ST6GALNAC3: variants seen among roughly 807,000 people sequenced by gnomAD.
ST6GALNAC3 encodes the protein alpha-N-acetylgalactosaminide alpha-2,6-sialyltransferase 3.
ST6GALNAC3 carries 25 observed loss-of-function variants against 32.7 expected under a neutral mutation model. The ratio of observed to expected loss-of-function variants is 0.76; its 90% confidence interval spans 0.56 to 1.07. The LOEUF is 1.07. ST6GALNAC3 is among the 50% of genes least tolerant of loss of function. ST6GALNAC3 has a pLI of 0.00. For missense variants in ST6GALNAC3, 355 were observed against 382.4 expected, an observed-to-expected ratio of 0.93 and a Z score of 0.60; for synonymous variants, 129 against 133.1, an observed-to-expected ratio of 0.97 and a Z score of 0.21.
At chr1:76,494,908 G>C (rs981962619) in intron 3 of ST6GALNAC3, among the ~76,000 whole-genome samples, 1 of 152,102 alleles carries the variant, frequency 6.6e-6, no homozygotes, top group South Asian at 2.1e-4. Flanking sequence ...GCAGGCTTGA[G>C]ACTCTGAAAA....
chr1:76,126,226 C>T (rs375623992), intron 1 of ST6GALNAC3, among the ~76,000 whole-genome samples: 14 of 152,230 alleles, frequency 9.2e-5, no homozygotes, highest in Middle Eastern at 3.4e-3. Flanking sequence ...TCTCCCTGCC[C>T]GTCCATCTTT....
intron 3 of ST6GALNAC3, among the ~76,000 whole-genome samples, chr1:76,585,944 T>C (rs1178559696): frequency 1.3e-5 from 2 of 152,194 alleles, no homozygotes; most frequent in South Asian, 4.1e-4. Flanking sequence ...CTTCAATCCA[T>C]TTCAAATATT....
At chr1:76,230,443 T>A (rs1293221443) in intron 1 of ST6GALNAC3, among the ~76,000 whole-genome samples, 1 of 152,202 alleles carries the variant, frequency 6.6e-6, no homozygotes, top group Non-Finnish European at 1.5e-5. Context: ...CTACATTATT[T>A]TCAAATTATC....
chr1:76,330,867 A>G (rs1161222159), intron 2 of ST6GALNAC3, among the ~76,000 whole-genome samples: 1 of 152,162 alleles, frequency 6.6e-6, no homozygotes, highest in Admixed American at 6.5e-5. Flanking sequence ...CCCTTTAGAC[A>G]TAATTGCTAC....
At chr1:76,209,921 G>A (rs972844517) in intron 1 of ST6GALNAC3, among the ~76,000 whole-genome samples, 1 of 152,066 alleles carries the variant, frequency 6.6e-6, no homozygotes, top group African/African-American at 2.4e-5. Flanking sequence ...TGCCCCTCAA[G>A]TTATATTCAA....
In ST6GALNAC3 at chr1:76,509,054, A is replaced by G. The variant is rs1213593267; in HGVS notation, c.623+96637A>G. 6.6e-6 allele frequency among the ~76,000 whole-genome samples: 1 copy of G among 152,158 alleles called. No homozygotes were observed. Among genetic ancestry groups the G allele is most frequent in the Non-Finnish European group, 1.5e-5 (1 of 68,018 alleles). ...GAGTCTAAGAGTTGAACAGCTTGTC[A>G]TTTTTCAACTCGTCGATAAATGGGA... On this transcript the variant is annotated intron_variant, in intron 3 of 4. Transcript: ENST00000328299. This position sits in a 1 kb window ranked among gnomAD's most constrained non-coding sequence, Gnocchi z 5.5.
chr1:76,617,155 CA>C (rs1648347423), intron 3 of ST6GALNAC3, among the ~76,000 whole-genome samples: 1 of 152,140 alleles, frequency 6.6e-6, no homozygotes, highest in Non-Finnish European at 1.5e-5. Flanking sequence ...TGAAAGCAAA[CA>C]GGGACTCAGA....
intron 2 of ST6GALNAC3, among the ~76,000 whole-genome samples, chr1:76,326,117 G>A (rs895184232): frequency 2.0e-5 from 3 of 152,042 alleles, no homozygotes; most frequent in African/African-American, 7.2e-5. Context: ...GGCTGAGATC[G>A]GCTGTGCTTA....
At chr1:76,341,211 G>A (rs113486150) in intron 2 of ST6GALNAC3, among the ~76,000 whole-genome samples, 85 of 151,696 alleles carry the variant, frequency 5.6e-4, no homozygotes, top group Middle Eastern at 3.4e-3. Flanking sequence ...TCCCTCCTCC[G>A]TTTTGGTTGA....
At chr1:76,622,964 G>A (rs531078853) in intron 3 of ST6GALNAC3, among the ~76,000 whole-genome samples, 1 of 152,056 alleles carries the variant, frequency 6.6e-6, no homozygotes, top group South Asian at 2.1e-4. Context: ...GAAATGAGAA[G>A]AGGACAGAGT....
intron 1 of ST6GALNAC3, among the ~76,000 whole-genome samples, chr1:76,234,469 A>G (rs766790913): frequency 4.6e-5 from 7 of 152,180 alleles, no homozygotes; most frequent in African/African-American, 1.7e-4. Flanking sequence ...GTGGGAAGCA[A>G]TTTGGAACTG....
chr1:76,524,094 TA>T (rs1238818153), intron 3 of ST6GALNAC3, among the ~76,000 whole-genome samples: 1 of 152,168 alleles, frequency 6.6e-6, no homozygotes, highest in African/African-American at 2.4e-5. Flanking sequence ...TGTTTTGTTT[TA>T]AAAAAATCAA....
chr1:76,491,134 A>T (rs942710054), intron 3 of ST6GALNAC3, among the ~76,000 whole-genome samples: 10 of 152,140 alleles, frequency 6.6e-5, no homozygotes, highest in African/African-American at 2.4e-4. Context: ...CTGGGATTAC[A>T]GGTGTGAGCC....
intron 2 of ST6GALNAC3, among the ~76,000 whole-genome samples, chr1:76,376,115 A>T (rs564324725): frequency 0.018 from 476 of 26,600 alleles, 1 homozygote; most frequent in Middle Eastern, 0.062. Context: ...TTTTTTTTTT[A>T]AAAAAAGAAA....
At chr1:76,235,083 T>G (rs1442955997) in intron 1 of ST6GALNAC3, among the ~76,000 whole-genome samples, 1 of 152,160 alleles carries the variant, frequency 6.6e-6, no homozygotes. Flanking sequence ...CAAGAGTCAG[T>G]CACTCAGCTG....
chr1:76,530,617 A>T (rs12139305), intron 3 of ST6GALNAC3, among the ~76,000 whole-genome samples: 137 of 152,332 alleles, frequency 9.0e-4, no homozygotes, highest in Non-Finnish European at 1.7e-3. Flanking sequence ...ATAGCACAGT[A>T]TCCCTTCCAG....
At chr1:76,319,889 CA>C (rs1392927761) in intron 2 of ST6GALNAC3, among the ~76,000 whole-genome samples, 1 of 152,158 alleles carries the variant, frequency 6.6e-6, no homozygotes, top group Non-Finnish European at 1.5e-5. Context: ...CTCTTACTCC[CA>C]AATGAATTTG....
At chr1:76,409,054 C>T (rs183504094) in intron 2 of ST6GALNAC3, among the ~76,000 whole-genome samples, 9 of 152,284 alleles carry the variant, frequency 5.9e-5, no homozygotes, top group African/African-American at 2.2e-4. Context: ...AGAAGGTAGG[C>T]TCCTAAGAGG....
chr1:76,370,279 A>G (rs565634260), intron 2 of ST6GALNAC3, among the ~76,000 whole-genome samples: 3 of 152,284 alleles, frequency 2.0e-5, no homozygotes, highest in East Asian at 3.9e-4. Context: ...GGAACTGACA[A>G]CTATGGGTCT....
Sources: gnomAD v4.1 joint callset for allele counts (sites outside exome capture counted in the v4.1 genomes callset) on GRCh38, gnomAD v4.1.1 for gene constraint, Gnocchi (gnomAD v3.1) non-coding constraint, MANE v1.5 for transcripts, NCBI Gene and HGNC (gene_info 2026-07-23, HGNC 2026-07-21) for gene names.